The following ASS1 variants were observed in gnomAD, a reference collection of about 807,000 sequenced individuals.
The protein encoded by ASS1 is argininosuccinate synthase 1.
In ASS1, 58 loss-of-function variants were observed where a neutral mutation model predicts 60.5. The observed-to-expected ratio is 0.96, with a 90% CI of 0.78 to 1.19. The LOEUF is 1.19. Ranked by LOEUF, ASS1 falls within the 50% of genes most tolerant of loss-of-function variation. The pLI is 0.00. For synonymous variants in ASS1, 200 were observed against 206.9 expected, an observed-to-expected ratio of 0.97 and a Z score of 0.29; for missense variants, 454 against 547.3, an observed-to-expected ratio of 0.83 and a Z score of 1.70.
chr9:130,476,503 C>T lies in ASS1; in HGVS notation c.598-368C>T, dbSNP rs891862303. The stretch of plus-strand genomic sequence containing the variant: ...TGCAGAATAAACCCCAATCCCGAGC[C>T]GGCGAGAGCGTGCGTGCCGCTCCTG... On this transcript the variant is annotated intron_variant, in intron 8 of 14. Coordinates refer to ENST00000352480, the MANE Select transcript of ASS1 (RefSeq NM_054012.4). This position sits in a 1 kb window ranked among gnomAD's most constrained non-coding sequence, Gnocchi z 4.9. 26 of 404,262 alleles carry T rather than the reference C, an allele frequency of 6.4e-5. No homozygotes were observed. Among genetic ancestry groups the T allele is most frequent in the African/African-American group, 2.2e-4 (11 of 49,184 alleles). 25.0% of individuals were successfully genotyped at this position (404,262 alleles called of 1,614,324 possible).
chr9:130,466,228 T>G (rs1190931468), intron 5 of ASS1, among the ~76,000 whole-genome samples: 1 of 152,160 alleles, frequency 6.6e-6, no homozygotes, highest in African/African-American at 2.4e-5. Context: ...GCTTGGTCCC[T>G]CAGCCAGGCT....
At chr9:130,469,365 A>C (rs2131885111) in intron 6 of ASS1, among the ~76,000 whole-genome samples, 1 of 152,172 alleles carries the variant, frequency 6.6e-6, no homozygotes, top group East Asian at 1.9e-4. Flanking sequence ...GATAATCTAC[A>C]CAAACTAAGG....
Position 130,489,670 on chromosome 9 carries a change from A to T in ASS1, c.970+206A>T, listed in dbSNP as rs577957824. On this transcript the variant is annotated intron_variant, in intron 12 of 14. Coordinates refer to ENST00000352480, the MANE Select transcript of ASS1 (RefSeq NM_054012.4). The surrounding 1 kb of genome is among the most constrained non-coding windows in gnomAD (Gnocchi z 4.1). ...CATGAGGGAGCAAGGGGATGCTAGA[A>T]CCTGCCTTGCCATGGGGTGTGTCCA... Among the ~76,000 whole-genome samples the T allele has an allele frequency of 1.3e-5, 2 of 152,262 alleles. No individual in the cohort carries two copies. The highest frequency in any genetic ancestry group is 1.3e-4 in the Admixed American group (2 of 15,300).
At chr9:130,495,598 G>C (rs1245811211) in intron 13 of ASS1, among the ~76,000 whole-genome samples, 1 of 151,934 alleles carries the variant, frequency 6.6e-6, no homozygotes, top group African/African-American at 2.4e-5. Flanking sequence ...GGGTGGAAGG[G>C]CAAAAGTGGC....
At position 130,470,699 on chromosome 9, in the gene ASS1, C is replaced by T. The variant is rs1845846348; in HGVS notation, c.496-135C>T. 1 of 882,110 alleles carries T rather than the reference C, an allele frequency of 1.1e-6. No individual in the cohort carries two copies. Among genetic ancestry groups the T allele is most frequent in the Non-Finnish European group, 1.9e-6 (1 of 523,594 alleles). The allele number at this position is 882,110 out of a possible 1,614,324, so 54.6% of individuals were successfully genotyped here. A position where few individuals can be genotyped will look rare whatever the true frequency, so the allele number is the denominator to read the frequency against. On this transcript the variant is annotated intron_variant, in intron 6 of 14. Coordinates refer to ENST00000352480, the MANE Select transcript of ASS1 (RefSeq NM_054012.4). This position sits in a 1 kb window ranked among gnomAD's most constrained non-coding sequence, Gnocchi z 4.3. ...CCCCCAGGGAGGTGACCGTGACCAA[C>T]ACTAGGAGGTAGCCAGGGTCTTGTC... is the stretch of plus-strand genomic sequence containing the variant.
intron 6 of ASS1, 147 bp downstream of exon 6, chr9:130,466,946 A>C (rs1326356528): frequency 1.9e-5 from 18 of 949,204 alleles, no homozygotes; most frequent in Non-Finnish European, 3.0e-5. Context: ...AGCTGCCTAC[A>C]CACGTGGCCT....
intron 1 of ASS1, among the ~76,000 whole-genome samples, chr9:130,448,415 T>TGTGTGC (rs1337471756): frequency 2.2e-5 from 3 of 135,578 alleles, no homozygotes; most frequent in Non-Finnish European, 1.6e-5. Flanking sequence ...CACAGGTGTG[T>TGTGTGC]GCGCGCGCAC....
chr9:130,479,630 G>A (rs1337304594), intron 9 of ASS1, 86 bp from the exon 10 acceptor site: 11 of 1,073,864 alleles, frequency 1.0e-5, no homozygotes, highest in East Asian at 4.7e-5. Flanking sequence ...AAGGCGTTTC[G>A]GGAGGAGGGA....
At chr9:130,461,936 A>T (rs1353296996) in intron 4 of ASS1, among the ~76,000 whole-genome samples, 3 of 152,094 alleles carry the variant, frequency 2.0e-5, no homozygotes, top group Admixed American at 6.5e-5. Context: ...TTGGCCTGGG[A>T]TGTGAGGGGG....
At chr9:130,495,189 C>T in intron 13 of ASS1, among the ~76,000 whole-genome samples, 166 bp downstream of exon 13, 1 of 152,140 alleles carries the variant, frequency 6.6e-6, no homozygotes, top group East Asian at 1.9e-4. Context: ...AACTTACAGG[C>T]TAGCTGGGAG....
chr9:130,463,480 C>T (rs545627063), intron 4 of ASS1, among the ~76,000 whole-genome samples: 3 of 152,296 alleles, frequency 2.0e-5, no homozygotes, highest in Non-Finnish European at 1.5e-5. Flanking sequence ...GGGACCTGGG[C>T]TTGGGTCCCG....
chr9:130,454,591 T>C (rs1300042161), intron 3 of ASS1, among the ~76,000 whole-genome samples: 1 of 152,074 alleles, frequency 6.6e-6, no homozygotes, highest in Non-Finnish European at 1.5e-5. Flanking sequence ...GTGGAGTGTC[T>C]CTTCCCCACC....
chr9:130,471,191 G>C (rs571110823), intron 7 of ASS1, among the ~76,000 whole-genome samples: 28 of 152,326 alleles, frequency 1.8e-4, no homozygotes, highest in African/African-American at 6.7e-4. Flanking sequence ...AAGAGGCCCA[G>C]ATGTGGCACA....
intron 11 of ASS1, among the ~76,000 whole-genome samples, chr9:130,486,986 C>T (rs1846317869): frequency 2.0e-5 from 3 of 151,676 alleles, no homozygotes; most frequent in East Asian, 1.9e-4. Flanking sequence ...TGGGAGACCC[C>T]GGGGCCGGGC....
intron 11 of ASS1, among the ~76,000 whole-genome samples, chr9:130,485,189 T>C (rs1465768052): frequency 1.3e-5 from 2 of 152,160 alleles, no homozygotes; most frequent in Non-Finnish European, 1.5e-5. Context: ...CTCCCCTCTC[T>C]GGACTGATGG....
At chr9:130,482,710 A>G (rs1000684594) in intron 11 of ASS1, among the ~76,000 whole-genome samples, 24 of 152,168 alleles carry the variant, frequency 1.6e-4, no homozygotes, top group African/African-American at 5.5e-4. Context: ...CCTTTTTCCC[A>G]GAATGGGGGC....
chr9:130,497,693 C>T (rs866185495), intron 13 of ASS1, among the ~76,000 whole-genome samples: 5 of 152,196 alleles, frequency 3.3e-5, no homozygotes, highest in Middle Eastern at 3.4e-3. Flanking sequence ...CCTTGGGGAA[C>T]GGGATGGGGA....
intron 4 of ASS1, among the ~76,000 whole-genome samples, chr9:130,463,558 T>C (rs953902749): frequency 1.3e-5 from 2 of 152,120 alleles, no homozygotes; most frequent in Non-Finnish European, 2.9e-5. Context: ...TCCCTCTCTG[T>C]GCAGAGAAGA....
Position 130,479,350 on chromosome 9 carries a change from G to A in ASS1, c.689-366G>A, listed in dbSNP as rs942650879. On this transcript the variant is annotated intron_variant, in intron 9 of 14. Coordinates refer to ENST00000352480, the MANE Select transcript of ASS1 (RefSeq NM_054012.4). ...GAGCCCAGCCACACCTCGGCCAGGC[G>A]GCCCCCGGGTGACTGGTGGGACAGA... Among the ~76,000 whole-genome samples the A allele has an allele frequency of 8.5e-5, 13 of 152,228 alleles. No homozygotes were observed. In the South Asian group the frequency reaches 1.7e-3, roughly 19 times the overall value.
Sources: allele counts gnomAD v4.1 joint callset (sites outside exome capture counted in the v4.1 genomes callset), GRCh38; gene constraint gnomAD v4.1.1; non-coding constraint Gnocchi (gnomAD v3.1); transcripts MANE v1.5; gene names NCBI Gene and HGNC (gene_info 2026-07-23, HGNC 2026-07-21).